SMNDC1: variants seen among roughly 807,000 people sequenced by gnomAD.
The protein encoded by SMNDC1 is survival motor neuron domain containing 1.
SMNDC1 carries 5 observed loss-of-function variants against 29.2 expected under a neutral mutation model. The observed-to-expected ratio is 0.17, with a 90% confidence interval of 0.09 to 0.36. The LOEUF (loss-of-function observed/expected upper bound fraction) is 0.36, where lower values mean the gene tolerates loss of function less well. SMNDC1 is among the 10% of genes least tolerant of loss of function. SMNDC1 has a pLI of 1.00. For synonymous variants in SMNDC1, 80 were observed against 89.9 expected, an observed-to-expected ratio of 0.89 and a Z score of 0.62; for missense variants, 142 against 268.5, an observed-to-expected ratio of 0.53 and a Z score of 3.29.
chr10:110,291,383 AC>A lies in SMNDC1; in HGVS notation c.*2766del, dbSNP rs1208330615. 2 of 152,182 alleles carry A rather than the reference AC, an allele frequency of 1.3e-5. No homozygotes were observed. The highest frequency in any genetic ancestry group is 4.8e-5 in the African/African-American group (2 of 41,438). The allele number at this position is 152,182 out of a possible 1,614,324, so 9.4% of individuals were successfully genotyped here. On this transcript the variant is annotated 3_prime_UTR_variant, in exon 6 of 6. Coordinates refer to ENST00000369603, the MANE Select transcript of SMNDC1 (RefSeq NM_005871.4). ...ACCTTTAACTAGGAATACTAAATAT[AC>A]CCTACAGCCTTGGTAATTTGATAAC...
intron 2 of SMNDC1, 130 bp from the exon 3 acceptor site, chr10:110,298,920 T>G: frequency 1.5e-6 from 1 of 648,024 alleles, no homozygotes; most frequent in Non-Finnish European, 2.6e-6. Flanking sequence ...ATAACACTAT[T>G]AAGCAAGTAC....
chr10:110,298,015 G>C (rs1408173998), intron 3 of SMNDC1, among the ~76,000 whole-genome samples: 1 of 152,118 alleles, frequency 6.6e-6, no homozygotes, highest in African/African-American at 2.4e-5. Flanking sequence ...TTTTGCGACA[G>C]AGTCTCACTG....
chr10:110,301,999 C>G (rs976503967), intron 2 of SMNDC1, among the ~76,000 whole-genome samples: 39 of 152,334 alleles, frequency 2.6e-4, no homozygotes, highest in African/African-American at 8.7e-4. Context: ...ACAAATACCC[C>G]TCCTCCCACT....
intron 2 of SMNDC1, chr10:110,300,792 C>T: frequency 1.3e-6 from 1 of 785,832 alleles, no homozygotes; most frequent in Non-Finnish European, 1.5e-6. Context: ...CCAGCTTATT[C>T]AGCAAAACAG....
intron 3 of SMNDC1, 77 bp from the exon 4 acceptor site, chr10:110,297,805 A>G: frequency 8.2e-7 from 1 of 1,218,522 alleles, no homozygotes; most frequent in Non-Finnish European, 1.1e-6. Context: ...TGTAGTGATA[A>G]AATTATTACA....
rs1456733065 is a variant in SMNDC1 at position 110,291,514 on chromosome 10, T to G, written c.*2636A>C. 2 of 152,210 alleles carry G rather than the reference T, an allele frequency of 1.3e-5. No homozygotes were observed. Among genetic ancestry groups the G allele is most frequent in the Non-Finnish European group, 2.9e-5 (2 of 68,040 alleles). The allele number at this position is 152,210 out of a possible 1,614,324, so 9.4% of individuals were successfully genotyped here. The stretch of plus-strand genomic sequence containing the variant: ...TTCAAGTTAAGGAAAAAATATCAGA[T>G]AATTCACCACTGCCACTCTGCAGAG... On this transcript the variant is annotated 3_prime_UTR_variant, in exon 6 of 6. Transcript: ENST00000369603.
At chr10:110,303,622 T>G in intron 1 of SMNDC1, 35 bp from the exon 2 acceptor site, 1 of 1,537,394 alleles carries the variant, frequency 6.5e-7, no homozygotes, top group Non-Finnish European at 8.7e-7. Flanking sequence ...CCATGAAAAC[T>G]AAACCAAAAA....
chr10:110,301,015 T>C (rs901376189), intron 2 of SMNDC1, among the ~76,000 whole-genome samples: 11 of 152,188 alleles, frequency 7.2e-5, no homozygotes, highest in Admixed American at 2.0e-4. Flanking sequence ...AATGAAGTCA[T>C]TGAAAAGATG....
intron 2 of SMNDC1, chr10:110,300,656 T>A: frequency 1.0e-6 from 1 of 985,400 alleles, no homozygotes; most frequent in Non-Finnish European, 1.2e-6. Flanking sequence ...GGTGTTGTGA[T>A]CTACATATCA....
rs1241114901 is a variant in SMNDC1 at position 110,303,604 on chromosome 10, G to T, written c.1-17C>A. 1.9e-6 allele frequency: 3 copies of T among 1,554,248 alleles called. No individual in the cohort carries two copies. Among genetic ancestry groups the T allele is most frequent in the Non-Finnish European group, 2.6e-6 (3 of 1,160,482 alleles). On this transcript the variant is annotated splice_polypyrimidine_tract_variant and intron_variant, in intron 1 of 5. Transcript: ENST00000369603. The stretch of plus-strand genomic sequence containing the variant: ...CTCTGACATCTAGGGAAAATAAAAA[G>T]GGTTAGACCATGAAAACTAAACCAA...
rs1396949474 is a variant in SMNDC1, at chr10:110,295,843, T to C, written c.426-462A>G. ...TTTTAGTAGAGATAGGGTTTCACCA[T>C]GTTGGCCAGAATGGTCTTTAACTCC... On this transcript the variant is annotated intron_variant, in intron 4 of 5. Transcript: ENST00000369603. 3.3e-5 allele frequency among the ~76,000 whole-genome samples: 5 copies of C among 152,328 alleles called. No individual in the cohort carries two copies. The East Asian group carries it at 9.6e-4, about 29-fold the overall frequency.
chr10:110,299,918 T>G (rs954155198), intron 2 of SMNDC1, among the ~76,000 whole-genome samples: 1 of 152,200 alleles, frequency 6.6e-6, no homozygotes, highest in Non-Finnish European at 1.5e-5. Flanking sequence ...ATAGAACACT[T>G]AGGTTTGATT....
At chr10:110,301,092 T>C (rs113593057) in intron 2 of SMNDC1, among the ~76,000 whole-genome samples, 7,695 of 152,326 alleles carry the variant, frequency 0.051, 287 homozygotes, top group Middle Eastern at 0.15. Flanking sequence ...GATCTAATTC[T>C]ATAGAGGAAC....
At chr10:110,300,713 G>A in intron 2 of SMNDC1, 1 of 985,380 alleles carries the variant, frequency 1.0e-6, no homozygotes, top group Non-Finnish European at 1.2e-6. Context: ...CTGAAGGAAG[G>A]CGTTTCGGGG....
intron 4 of SMNDC1, among the ~76,000 whole-genome samples, chr10:110,295,595 C>A (rs997500940): frequency 1.3e-5 from 2 of 151,184 alleles, no homozygotes; most frequent in Admixed American, 1.3e-4. Context: ...TCAAACATAA[C>A]TGTAATCTAT....
intron 5 of SMNDC1, among the ~76,000 whole-genome samples, chr10:110,294,689 T>C (rs1021793476): frequency 6.6e-6 from 1 of 152,176 alleles, no homozygotes; most frequent in Non-Finnish European, 1.5e-5. Flanking sequence ...AATAAACATC[T>C]TTATGAAAAG....
intron 5 of SMNDC1, among the ~76,000 whole-genome samples, 158 bp from the exon 6 acceptor site, chr10:110,294,445 C>T (rs1857538517): frequency 6.6e-6 from 1 of 152,250 alleles, no homozygotes; most frequent in South Asian, 2.1e-4. Flanking sequence ...CAGAAGTGGT[C>T]CCATGCTGGA....
Position 110,291,925 on chromosome 10 carries a change from A to C in SMNDC1, c.*2225T>G, listed in dbSNP as rs1245294326. On this transcript the variant is annotated 3_prime_UTR_variant, in exon 6 of 6. Transcript: ENST00000369603. ...TGCAACCATTTCTACTTAGGGGCCC[A>C]TAACTCAATATTTAACATTTCAGTC... The C allele has an allele frequency of 6.6e-6, 1 of 152,216 alleles. No homozygotes were observed. 9.4% of individuals were successfully genotyped at this position (152,216 alleles called of 1,614,324 possible). A position where few individuals can be genotyped will look rare whatever the true frequency, so the allele number is the denominator to read the frequency against.
chr10:110,298,227 G>A (rs531994577), intron 3 of SMNDC1, among the ~76,000 whole-genome samples: 8 of 151,946 alleles, frequency 5.3e-5, no homozygotes, highest in Non-Finnish European at 1.0e-4. Flanking sequence ...GACCTCAAGC[G>A]ATCTGCCTGC....
Sources: gnomAD v4.1 joint callset for allele counts (sites outside exome capture counted in the v4.1 genomes callset) on GRCh38, gnomAD v4.1.1 for gene constraint, MANE v1.5 for transcripts, NCBI Gene and HGNC (gene_info 2026-07-23, HGNC 2026-07-21) for gene names.